The following MAST4 variants were observed in gnomAD, a reference collection of about 807,000 sequenced individuals.
MAST4 encodes the protein microtubule-associated serine/threonine-protein kinase 4.
In MAST4, 89 loss-of-function variants were observed where a neutral mutation model predicts 162.7. The observed-to-expected ratio is 0.55, with a 90% CI of 0.46 to 0.65. MAST4 has a LOEUF of 0.65. Among genes scored for constraint, MAST4 ranks in the 30% least tolerant of loss-of-function variants. The pLI is 0.00. For missense variants in MAST4, 3,153 were observed against 3,374.0 expected (o/e 0.93, Z 1.62); for synonymous variants, 1,479 against 1,361.1 (o/e 1.09, Z -1.91).
intron 3 of MAST4, among the ~76,000 whole-genome samples, chr5:66,879,660 A>T (rs1761559938): frequency 6.6e-6 from 1 of 152,168 alleles, no homozygotes; most frequent in Non-Finnish European, 1.5e-5. Flanking sequence ...CAACAGGCAC[A>T]CATCACCACG....
intron 3 of MAST4, among the ~76,000 whole-genome samples, chr5:66,807,152 A>T (rs2149707386): frequency 6.6e-6 from 1 of 152,352 alleles, no homozygotes; most frequent in Non-Finnish European, 1.5e-5. Context: ...CATCCCCTCA[A>T]GCATTTATCC....
intron 1 of MAST4, among the ~76,000 whole-genome samples, chr5:66,599,935 G>A (rs1236883820): frequency 1.3e-5 from 2 of 152,016 alleles, no homozygotes; most frequent in Non-Finnish European, 2.9e-5. Context: ...GTGTGTGTGT[G>A]TGTGTGTTTA....
chr5:66,826,714 G>C (rs1757278208), intron 3 of MAST4, among the ~76,000 whole-genome samples: 2 of 152,040 alleles, frequency 1.3e-5, no homozygotes, highest in Non-Finnish European at 2.9e-5. Context: ...CCTCAGAGTA[G>C]AAGTGTATAT....
At chr5:67,097,187 TA>T (rs1453131466) in intron 7 of MAST4, among the ~76,000 whole-genome samples, 2 of 152,172 alleles carry the variant, frequency 1.3e-5, no homozygotes, top group Non-Finnish European at 2.9e-5. Flanking sequence ...TCATCATTTT[TA>T]AAAGTGAATC....
intron 4 of MAST4, among the ~76,000 whole-genome samples, chr5:66,951,170 A>G (rs554057300): frequency 6.6e-6 from 1 of 152,378 alleles, no homozygotes; most frequent in East Asian, 1.9e-4. Context: ...AAAGGAAAGC[A>G]TTAAATCGAA....
At chr5:66,611,441 GTCC>G (rs1332753363) in intron 1 of MAST4, among the ~76,000 whole-genome samples, 1 of 152,128 alleles carries the variant, frequency 6.6e-6, no homozygotes, top group Non-Finnish European at 1.5e-5. Context: ...TCCTCTTTCT[GTCC>G]TCCTCTCATG....
chr5:66,881,335 A>G lies in MAST4; in HGVS notation c.643-18616A>G, dbSNP rs1761679057. Among the ~76,000 whole-genome samples the G allele has an allele frequency of 2.6e-5, 4 of 152,238 alleles. 1 individual carries two copies. In the South Asian group the frequency reaches 8.3e-4, roughly 32 times the overall value. ...AAGATAAAGAATACGTGTAAAGATC[A>G]TACTCATTATGGCTATTAAGATTTC... On this transcript the variant is annotated intron_variant, in intron 3 of 28. Transcript: ENST00000403625.
rs561814711 is a variant in MAST4 at position 67,168,400 on chromosome 5, T to C, written c.*1349T>C. The stretch of plus-strand genomic sequence containing the variant: ...AGACTCGCTGGAGCTATTTGGTGCT[T>C]GAATGTGACCATCCTTTTTACTTTT... On this transcript the variant is annotated 3_prime_UTR_variant, in exon 29 of 29. Coordinates refer to ENST00000403625, the MANE Select transcript of MAST4 (RefSeq NM_001164664.2). The C allele has an allele frequency of 2.6e-5, 4 of 152,360 alleles. No homozygotes were observed. Among genetic ancestry groups the C allele is most frequent in the South Asian group, 4.1e-4 (2 of 4,828 alleles). The allele number at this position is 152,360 out of a possible 1,614,324, so 9.4% of individuals were successfully genotyped here. A position where few individuals can be genotyped will look rare whatever the true frequency, so the allele number is the denominator to read the frequency against.
chr5:66,690,273 A>G (rs1748954845), intron 1 of MAST4, among the ~76,000 whole-genome samples: 1 of 152,200 alleles, frequency 6.6e-6, no homozygotes, highest in African/African-American at 2.4e-5. Flanking sequence ...AGAACTTTGG[A>G]AACGCTTGTC....
At chr5:66,829,001 C>A in intron 3 of MAST4, 1 of 826,674 alleles carries the variant, frequency 1.2e-6, no homozygotes, top group Non-Finnish European at 2.0e-6. Flanking sequence ...TTAGTATCTA[C>A]ATGGCAACGC....
At chr5:66,634,401 A>G (rs1339634279) in intron 1 of MAST4, among the ~76,000 whole-genome samples, 1 of 151,976 alleles carries the variant, frequency 6.6e-6, no homozygotes, top group African/African-American at 2.4e-5. Flanking sequence ...CATGCATCTC[A>G]TCCTGTTTCT....
At chr5:67,086,350 C>T (rs1228418749) in intron 5 of MAST4, among the ~76,000 whole-genome samples, 1 of 152,216 alleles carries the variant, frequency 6.6e-6, no homozygotes, top group Admixed American at 6.5e-5. Flanking sequence ...CACAGGACTT[C>T]TCCAATCTAA....
chr5:66,922,972 A>T (rs1764641033), intron 4 of MAST4, among the ~76,000 whole-genome samples: 3 of 152,218 alleles, frequency 2.0e-5, no homozygotes, highest in South Asian at 4.1e-4. Context: ...CGGGCATCCA[A>T]CCGTGGAGCA....
intron 14 of MAST4, among the ~76,000 whole-genome samples, chr5:67,121,727 A>G (rs944720464): frequency 3.9e-5 from 6 of 152,002 alleles, no homozygotes; most frequent in Non-Finnish European, 8.8e-5. Flanking sequence ...CAAGTTTACA[A>G]ATTTGTGTTG....
chr5:66,860,763 AC>A (rs1417470946), intron 3 of MAST4, among the ~76,000 whole-genome samples: 5 of 113,828 alleles, frequency 4.4e-5, no homozygotes, highest in African/African-American at 1.3e-4. Context: ...ACTTAAAAAA[AC>A]AAAACCAAAA....
chr5:67,073,832 T>C (rs1236787832), intron 5 of MAST4, among the ~76,000 whole-genome samples: 4 of 152,224 alleles, frequency 2.6e-5, no homozygotes, highest in African/African-American at 7.2e-5. Context: ...ATGATTCATA[T>C]GGCTTTTAAA....
At chr5:66,937,046 C>T (rs994987847) in intron 4 of MAST4, among the ~76,000 whole-genome samples, 1 of 152,142 alleles carries the variant, frequency 6.6e-6, no homozygotes, top group Non-Finnish European at 1.5e-5. Flanking sequence ...AGCTTTCACT[C>T]ATTGGAGGTG....
intron 1 of MAST4, among the ~76,000 whole-genome samples, chr5:66,722,406 C>T (rs1751268848): frequency 6.6e-6 from 1 of 150,996 alleles, no homozygotes; most frequent in Admixed American, 6.6e-5. Context: ...AGAGTGACCA[C>T]CTGTTTAAAC....
chr5:66,667,561 T>C (rs1451402970), intron 1 of MAST4, among the ~76,000 whole-genome samples: 2 of 152,202 alleles, frequency 1.3e-5, no homozygotes, highest in African/African-American at 2.4e-5. Flanking sequence ...TGCAGTGATA[T>C]CCACTTAGCA....
Sources: gnomAD v4.1 joint callset for allele counts (sites outside exome capture counted in the v4.1 genomes callset) on GRCh38, gnomAD v4.1.1 for gene constraint, MANE v1.5 for transcripts, NCBI Gene and HGNC (gene_info 2026-07-23, HGNC 2026-07-21) for gene names.